The following ABCA13 variants were observed in gnomAD, a reference collection of about 807,000 sequenced individuals.
ABCA13 encodes the protein ATP-binding cassette sub-family A member 13.
ABCA13 carries 476 observed loss-of-function variants against 478.7 expected under a neutral mutation model. That is an observed-to-expected ratio of 0.99 (90% CI 0.92 to 1.07). ABCA13 has a LOEUF of 1.07. ABCA13 is among the 50% of genes least tolerant of loss of function. The probability of loss-of-function intolerance (pLI) is 0.00; values close to 1 mark genes in which losing one functional copy is unlikely to be tolerated. For synonymous variants in ABCA13, 2,252 were observed against 2,158.9 expected, an observed-to-expected ratio of 1.04 and a Z score of -1.20; for missense variants, 6,060 against 5,910.6, an observed-to-expected ratio of 1.03 and a Z score of -0.83.
intron 38 of ABCA13, among the ~76,000 whole-genome samples, chr7:48,398,343 C>T (rs915169051): frequency 6.6e-6 from 1 of 152,164 alleles, no homozygotes; most frequent in African/African-American, 2.4e-5. Flanking sequence ...TAATGATTAT[C>T]AGCGCACAGA....
Position 48,419,057 on chromosome 7 carries a change from A to G in ABCA13, c.12459+6474A>G, listed in dbSNP as rs562628506. On this transcript the variant is annotated intron_variant, in intron 41 of 61. Transcript: ENST00000435803. ...GGAGCAGGACCAAGAGAGAGTGGGG[A>G]GGTGTCACACACTTTTAAACAACCA... is the stretch of plus-strand genomic sequence containing the variant. 8.1e-4 allele frequency among the ~76,000 whole-genome samples: 123 copies of G among 152,296 alleles called. 2 individuals carry two copies. The South Asian group carries it at 0.016, about 20-fold the overall frequency.
intron 3 of ABCA13, among the ~76,000 whole-genome samples, chr7:48,206,513 TTAAG>T (rs1453553867): frequency 2.6e-5 from 4 of 152,300 alleles, no homozygotes; most frequent in African/African-American, 9.6e-5. Flanking sequence ...ATTCTCTTCT[TTAAG>T]TGACAGATGA....
At chr7:48,598,455 T>C (rs1790525905) in intron 58 of ABCA13, among the ~76,000 whole-genome samples, 1 of 152,214 alleles carries the variant, frequency 6.6e-6, no homozygotes, top group African/African-American at 2.4e-5. Flanking sequence ...AGGAATGTGA[T>C]TGCTGGATCG....
At chr7:48,581,264 T>C (rs566229781) in intron 56 of ABCA13, among the ~76,000 whole-genome samples, 6 of 152,290 alleles carry the variant, frequency 3.9e-5, no homozygotes, top group African/African-American at 1.4e-4. Context: ...CCTTCACTGG[T>C]CCATGAACGT....
chr7:48,354,672 T>A (rs900551108), intron 31 of ABCA13, among the ~76,000 whole-genome samples: 1 of 152,108 alleles, frequency 6.6e-6, no homozygotes, highest in Non-Finnish European at 1.5e-5. Flanking sequence ...AGTATTGCTT[T>A]ATTTCTTTGA....
intron 12 of ABCA13, 54 bp from the exon 13 acceptor site, chr7:48,245,806 AGAG>A: frequency 6.6e-7 from 1 of 1,525,500 alleles, no homozygotes; most frequent in Non-Finnish European, 8.8e-7. Context: ...GAGCCCATGA[AGAG>A]GGTATCTAAG....
chr7:48,208,696 T>G (rs1785240167), intron 3 of ABCA13, among the ~76,000 whole-genome samples: 1 of 152,166 alleles, frequency 6.6e-6, no homozygotes, highest in Non-Finnish European at 1.5e-5. Context: ...TCAGTTCTAA[T>G]AGTTTCTTGG....
In ABCA13 at chr7:48,607,808, T is replaced by C. The variant is rs77131458; in HGVS notation, c.14745-7477T>C. Among the ~76,000 whole-genome samples, 62 of 152,332 alleles carry C rather than the reference T, an allele frequency of 4.1e-4. 2 individuals carry two copies. In the East Asian group the frequency reaches 0.011, roughly 28 times the overall value. ...ATTTGTTTATTTTGTGTTTGTGTCT[T>C]ACTTATTTGCCTGAGATAAATCTGT... On this transcript the variant is annotated intron_variant, in intron 58 of 61. Coordinates refer to ENST00000435803, the MANE Select transcript of ABCA13 (RefSeq NM_152701.5).
intron 15 of ABCA13, among the ~76,000 whole-genome samples, chr7:48,249,780 A>G (rs142572896): frequency 6.6e-6 from 1 of 152,306 alleles, no homozygotes; most frequent in African/African-American, 2.4e-5. Flanking sequence ...GTTTTTCTCT[A>G]TACACACACT....
intron 1 of ABCA13, among the ~76,000 whole-genome samples, chr7:48,172,556 G>A (rs1319284198): frequency 6.6e-6 from 1 of 152,054 alleles, no homozygotes; most frequent in East Asian, 1.9e-4. Flanking sequence ...AGCACTTTGG[G>A]AGGCCGAGGC....
intron 58 of ABCA13, among the ~76,000 whole-genome samples, chr7:48,609,857 G>A (rs548059862): frequency 2.0e-5 from 3 of 152,302 alleles, no homozygotes; most frequent in Admixed American, 2.0e-4. Context: ...CACAAGAATA[G>A]CAACAGGGAA....
chr7:48,209,444 T>A (rs1329189701), intron 3 of ABCA13, among the ~76,000 whole-genome samples: 1 of 152,144 alleles, frequency 6.6e-6, no homozygotes, highest in African/African-American at 2.4e-5. Flanking sequence ...GGATTAGTAT[T>A]AATTCTTGTT....
At chr7:48,228,579 G>GA (rs1788593200) in intron 6 of ABCA13, among the ~76,000 whole-genome samples, 1 of 152,134 alleles carries the variant, frequency 6.6e-6, no homozygotes, top group Non-Finnish European at 1.5e-5. Context: ...TGAGGGTGGG[G>GA]AGCACATAGG....
intron 56 of ABCA13, among the ~76,000 whole-genome samples, chr7:48,586,673 G>A (rs1215900224): frequency 1.3e-5 from 2 of 152,058 alleles, no homozygotes; most frequent in African/African-American, 4.8e-5. Flanking sequence ...CCAAACCTCA[G>A]TGTCACACAA....
intron 59 of ABCA13, chr7:48,626,806 A>G: frequency 1.0e-6 from 1 of 985,586 alleles, no homozygotes; most frequent in Non-Finnish European, 1.2e-6. Flanking sequence ...TGTGAGGGTG[A>G]GGAGGATTCT....
chr7:48,267,250 C>T (rs959139057), intron 15 of ABCA13, among the ~76,000 whole-genome samples: 1 of 152,012 alleles, frequency 6.6e-6, no homozygotes, highest in African/African-American at 2.4e-5. Flanking sequence ...ATGTCTTGAG[C>T]AGCATTGAAA....
chr7:48,473,175 A>T (rs1827700641), intron 45 of ABCA13, among the ~76,000 whole-genome samples: 1 of 152,186 alleles, frequency 6.6e-6, no homozygotes, highest in Admixed American at 6.5e-5. Flanking sequence ...CTCCCACAAC[A>T]TGTGGGAGTA....
At chr7:48,471,255 G>A (rs1827458083) in intron 44 of ABCA13, among the ~76,000 whole-genome samples, 1 of 152,276 alleles carries the variant, frequency 6.6e-6, no homozygotes, top group East Asian at 1.9e-4. Context: ...AGCCCCAGCC[G>A]CACCGTGAAA....
At chr7:48,201,822 A>G (rs13227530) in intron 3 of ABCA13, among the ~76,000 whole-genome samples, 30,845 of 152,190 alleles carry the variant, frequency 0.2, 3,361 homozygotes, top group Middle Eastern at 0.24. Context: ...ATGAAGCCGC[A>G]GACCCTCATG....
Sources: gnomAD v4.1 joint callset for allele counts (sites outside exome capture counted in the v4.1 genomes callset) on GRCh38, gnomAD v4.1.1 for gene constraint, MANE v1.5 for transcripts, NCBI Gene and HGNC (gene_info 2026-07-23, HGNC 2026-07-21) for gene names.